Variants in EPM2A observed in about 807,000 individuals in gnomAD.
EPM2A encodes the protein EPM2A glucan phosphatase, laforin.
Under a neutral mutation model 26.5 loss-of-function variants are expected in EPM2A, and 21 were observed. The ratio of observed to expected loss-of-function variants is 0.79; its 90% CI spans 0.56 to 1.14. EPM2A has a LOEUF of 1.14. Ranked by LOEUF, EPM2A falls within the 50% of genes most tolerant of loss-of-function variation. The pLI is 0.00. For synonymous variants in EPM2A, 217 were observed against 177.6 expected, an observed-to-expected ratio of 1.22 and a Z score of -1.76; for missense variants, 458 against 440.8, an observed-to-expected ratio of 1.04 and a Z score of -0.35.
chr6:145,488,824 A>G (rs1275393246), intron 4 of EPM2A, among the ~76,000 whole-genome samples: 1 of 152,206 alleles, frequency 6.6e-6, no homozygotes, highest in Admixed American at 6.5e-5. Flanking sequence ...AATAAAGTTT[A>G]CCACAGAGGT....
At chr6:145,487,167 G>T (rs765429987) in intron 4 of EPM2A, among the ~76,000 whole-genome samples, 4 of 152,160 alleles carry the variant, frequency 2.6e-5, no homozygotes, top group Non-Finnish European at 5.9e-5. Context: ...CAAAGGATAT[G>T]ATCTCATGCT....
intron 2 of EPM2A, among the ~76,000 whole-genome samples, chr6:145,565,838 AG>A (rs1162258558): frequency 6.6e-6 from 1 of 152,202 alleles, no homozygotes; most frequent in African/African-American, 2.4e-5. Flanking sequence ...GATGAGGTAA[AG>A]AAACAGAAAT....
At chr6:145,558,808 T>A (rs894581594) in intron 2 of EPM2A, among the ~76,000 whole-genome samples, 1 of 152,102 alleles carries the variant, frequency 6.6e-6, no homozygotes, top group African/African-American at 2.4e-5. Flanking sequence ...TTAAAATGGA[T>A]CATTTTCTAA....
chr6:145,390,682 G>T (rs1208770523), intron 4 of EPM2A, among the ~76,000 whole-genome samples: 2 of 151,260 alleles, frequency 1.3e-5, no homozygotes, highest in East Asian at 3.9e-4. Flanking sequence ...TTGCTCTCTT[G>T]GCTTTGCTCA....
chr6:145,588,559 C>T (rs1781228645), intron 2 of EPM2A, among the ~76,000 whole-genome samples: 2 of 152,110 alleles, frequency 1.3e-5, no homozygotes, highest in South Asian at 4.1e-4. Flanking sequence ...GAAAAAATCA[C>T]ATTAATCAGC....
intron 1 of EPM2A, among the ~76,000 whole-genome samples, chr6:145,714,720 CAAAG>C (rs1775522429): frequency 6.6e-6 from 1 of 152,126 alleles, no homozygotes; most frequent in South Asian, 2.1e-4. Flanking sequence ...TGACAGCAGG[CAAAG>C]AGAGAGAGAT....
chr6:145,597,740 G>A (rs1781367108), intron 2 of EPM2A, among the ~76,000 whole-genome samples: 1 of 152,056 alleles, frequency 6.6e-6, no homozygotes, highest in Admixed American at 6.6e-5. Flanking sequence ...TCACCCTCAA[G>A]AAGGCCCCAG....
intron 4 of EPM2A, among the ~76,000 whole-genome samples, chr6:145,467,821 G>T (rs1582778272): frequency 6.6e-6 from 1 of 151,954 alleles, no homozygotes; most frequent in East Asian, 1.9e-4. Context: ...TCTTTTGTTA[G>T]GTTTAATTCT....
intron 2 of EPM2A, among the ~76,000 whole-genome samples, chr6:145,531,580 A>T (rs1780355942): frequency 6.6e-6 from 1 of 152,198 alleles, no homozygotes; most frequent in Non-Finnish European, 1.5e-5. Flanking sequence ...TAACTTGGGC[A>T]AGAGGATATG....
intron 4 of EPM2A, among the ~76,000 whole-genome samples, chr6:145,418,881 T>A (rs1164168788): frequency 6.6e-6 from 1 of 152,226 alleles, no homozygotes; most frequent in Non-Finnish European, 1.5e-5. Flanking sequence ...AAGTATGCTA[T>A]GTAGTTAAAA....
chr6:145,490,075 T>C (rs1779735114), intron 4 of EPM2A: 1 of 1,294,734 alleles, frequency 7.7e-7, no homozygotes. Flanking sequence ...CCTGAAGCAA[T>C]GGTAGCACAC....
chr6:145,518,753 G>T (rs1040057067), intron 2 of EPM2A, among the ~76,000 whole-genome samples: 1 of 152,024 alleles, frequency 6.6e-6, no homozygotes, highest in Non-Finnish European at 1.5e-5. Flanking sequence ...TAATAATCCC[G>T]CTTCTATTCC....
intron 4 of EPM2A, among the ~76,000 whole-genome samples, chr6:145,390,587 T>TCTCTCTCTC (rs1562317071): frequency 3.3e-5 from 3 of 92,292 alleles, no homozygotes; most frequent in South Asian, 3.9e-4. Flanking sequence ...CTCTCTCTCT[T>TCTCTCTCTC]TCTTTCTCTC....
chr6:145,669,761 T>C (rs1779512825), intron 2 of EPM2A, among the ~76,000 whole-genome samples: 1 of 152,208 alleles, frequency 6.6e-6, no homozygotes, highest in Non-Finnish European at 1.5e-5. Context: ...TAAGAAAGAA[T>C]AACTCTTCTT....
At chr6:145,457,895 T>C (rs1277482880) in intron 4 of EPM2A, among the ~76,000 whole-genome samples, 2 of 152,236 alleles carry the variant, frequency 1.3e-5, no homozygotes, top group Non-Finnish European at 2.9e-5. Context: ...CAAATACAAA[T>C]GTAATACTGA....
At position 145,511,206 on chromosome 6, in the gene EPM2A, T is replaced by G. The variant is rs148814411; in HGVS notation, c.341-8631A>C. ...AGATGTACAAAGATCTGGTACCAAT[T>G]TATATTCCAAAAAATTGAGGAAGGG... On this transcript the variant is annotated intron_variant, in intron 2 of 3. Transcript: ENST00000450221. 5.5e-4 allele frequency among the ~76,000 whole-genome samples: 84 copies of G among 152,058 alleles called. 1 individual carries two copies. The East Asian group carries it at 0.015, about 27-fold the overall frequency.
At chr6:145,530,670 A>G (rs1328056981) in intron 2 of EPM2A, among the ~76,000 whole-genome samples, 1 of 152,212 alleles carries the variant, frequency 6.6e-6, no homozygotes, top group Non-Finnish European at 1.5e-5. Flanking sequence ...TAATGTGCCC[A>G]TAGCTGACAA....
At chr6:145,689,151 T>A (rs915865727) in intron 1 of EPM2A, among the ~76,000 whole-genome samples, 4 of 152,220 alleles carry the variant, frequency 2.6e-5, no homozygotes, top group South Asian at 2.1e-4. Flanking sequence ...TAATTACTCA[T>A]TTTTACACAT....
intron 4 of EPM2A, among the ~76,000 whole-genome samples, chr6:145,476,338 T>C (rs140219302): frequency 6.6e-6 from 1 of 152,144 alleles, no homozygotes; most frequent in East Asian, 1.9e-4. Context: ...CAATATTAAC[T>C]GGAGACTTCA....
Sources: gnomAD v4.1 joint callset for allele counts (sites outside exome capture counted in the v4.1 genomes callset) on GRCh38, gnomAD v4.1.1 for gene constraint, MANE v1.5 for transcripts, NCBI Gene and HGNC (gene_info 2026-07-23, HGNC 2026-07-21) for gene names.